CHST11: variants seen among roughly 807,000 people sequenced by gnomAD.
The protein encoded by CHST11 is C4S-1.
CHST11 carries 9 observed loss-of-function variants against 30.4 expected under a neutral mutation model. The ratio of observed to expected loss-of-function variants is 0.30; its 90% CI spans 0.18 to 0.52. The LOEUF (loss-of-function observed/expected upper bound fraction) is 0.52, where lower values mean the gene tolerates loss of function less well. Ranked by LOEUF, CHST11 falls within the 20% of genes least tolerant of loss-of-function variation. CHST11 has a pLI of 0.97. For synonymous variants in CHST11, 152 were observed against 187.8 expected (o/e 0.81, Z 1.56); for missense variants, 348 against 460.6 (o/e 0.76, Z 2.24).
intron 1 of CHST11, among the ~76,000 whole-genome samples, chr12:104,529,655 G>A (rs2038161274): frequency 6.6e-6 from 1 of 152,136 alleles, no homozygotes; most frequent in African/African-American, 2.4e-5. Flanking sequence ...CTGGTCCAAG[G>A]TGGCTGCTTC....
intron 1 of CHST11, among the ~76,000 whole-genome samples, chr12:104,596,867 A>C (rs1359737853): frequency 6.6e-6 from 1 of 152,076 alleles, no homozygotes; most frequent in East Asian, 1.9e-4. Context: ...AAGGTCTCCG[A>C]GTTTCTTCTG....
chr12:104,704,410 C>T (rs1024372234), intron 2 of CHST11, among the ~76,000 whole-genome samples: 5 of 152,138 alleles, frequency 3.3e-5, no homozygotes, highest in African/African-American at 1.2e-4. Flanking sequence ...GGCAGCAGCC[C>T]CTGCAGAGGT....
chr12:104,619,431 C>T (rs969785117), intron 2 of CHST11, among the ~76,000 whole-genome samples: 2 of 152,118 alleles, frequency 1.3e-5, no homozygotes, highest in African/African-American at 4.8e-5. Flanking sequence ...TTTTTGAGCT[C>T]TTCCCTGCCT....
intron 2 of CHST11, among the ~76,000 whole-genome samples, chr12:104,705,656 C>T (rs1019088396): frequency 1.3e-5 from 2 of 152,158 alleles, no homozygotes; most frequent in Non-Finnish European, 2.9e-5. Flanking sequence ...CGCGGTGGCT[C>T]ACACCTGTGA....
intron 2 of CHST11, among the ~76,000 whole-genome samples, chr12:104,622,121 C>T (rs1391190720): frequency 6.6e-6 from 1 of 152,188 alleles, no homozygotes; most frequent in African/African-American, 2.4e-5. Context: ...GTTGATACAA[C>T]CAAAATCCTT....
chr12:104,541,937 T>C (rs940389982), intron 1 of CHST11, among the ~76,000 whole-genome samples: 4 of 152,226 alleles, frequency 2.6e-5, no homozygotes, highest in African/African-American at 9.6e-5. Context: ...TCAGAAAGAC[T>C]GTCAGCTACC....
chr12:104,606,885 T>C (rs1215305802), intron 2 of CHST11, among the ~76,000 whole-genome samples: 1 of 151,782 alleles, frequency 6.6e-6, no homozygotes, highest in Admixed American at 6.6e-5. Flanking sequence ...CTGGGCAACA[T>C]AGTGAAATGT....
intron 1 of CHST11, among the ~76,000 whole-genome samples, chr12:104,499,550 T>C (rs2037832703): frequency 6.6e-6 from 1 of 152,186 alleles, no homozygotes; most frequent in African/African-American, 2.4e-5. Context: ...AGGGGAGACC[T>C]GGAGAAAATG....
intron 1 of CHST11, among the ~76,000 whole-genome samples, chr12:104,501,370 A>C (rs1463728241): frequency 2.0e-5 from 3 of 152,234 alleles, no homozygotes; most frequent in Non-Finnish European, 4.4e-5. Flanking sequence ...GGCACTTCCC[A>C]GTCCCTGAAA....
rs1473302019 is a variant in CHST11, at chr12:104,757,519, T to C, written c.775T>C (p.Trp259Arg). ...TQREEPFNEHWQTVYSLCHPC... is the reference protein window; with the variant it reads ...TQREEPFNEHRQTVYSLCHPC... ...GCGGGAGGAGCCTTTCAACGAACAC[T>C]GGCAAACCGTCTACTCACTCTGCCA... Residue 259 changes from tryptophan to arginine, a missense_variant, in exon 3 of 3, where the codon TGG becomes CGG. Physicochemically the swap from Trp to Arg is moderately radical, Grantham distance 101. This residue lies in a region of CHST11 where 210 missense variants were observed against 287.2 expected (regional missense o/e 0.73). Transcript: ENST00000303694. This position sits in a 1 kb window ranked among gnomAD's most constrained non-coding sequence, Gnocchi z 6.5. 1 of 1,614,128 alleles carries C rather than the reference T, an allele frequency of 6.2e-7. No homozygotes were observed. The highest frequency in any genetic ancestry group is 1.1e-5 in the South Asian group (1 of 91,076).
chr12:104,727,497 T>C (rs1592861551), intron 2 of CHST11, among the ~76,000 whole-genome samples: 2 of 151,986 alleles, frequency 1.3e-5, no homozygotes, highest in Admixed American at 1.3e-4. Flanking sequence ...GTAGCAGGGG[T>C]CTGGGGAGGC....
Position 104,757,167 on chromosome 12 carries a change from G to T in CHST11, c.423G>T (p.Arg141=). The change falls in exon 3 of 3, where the codon CGG becomes CGT. Residue 141 remains arginine (R), a synonymous_variant. Coordinates refer to ENST00000303694, the MANE Select transcript of CHST11 (RefSeq NM_018413.6). The surrounding 1 kb of genome is among the most constrained non-coding windows in gnomAD (Gnocchi z 6.5). ...GGCTCATGATGGTCCTGACCGGGCG[G>T]GGGAAGTACAGCGACCCCATGGAGA... is the stretch of plus-strand genomic sequence containing the variant. ...WKRLMMVLTG[R]GKYSDPMEIP... The T allele has an allele frequency of 1.2e-6, 2 of 1,614,142 alleles. No individual in the cohort carries two copies. The highest frequency in any genetic ancestry group is 1.7e-6 in the Non-Finnish European group (2 of 1,180,044).
intron 2 of CHST11, among the ~76,000 whole-genome samples, chr12:104,683,167 A>G (rs1158243707): frequency 6.6e-6 from 1 of 152,232 alleles, no homozygotes; most frequent in Admixed American, 6.5e-5. Flanking sequence ...ACCAATGAGC[A>G]GGGTTTGACA....
At chr12:104,466,149 C>T (rs898469118) in intron 1 of CHST11, among the ~76,000 whole-genome samples, 14 of 152,218 alleles carry the variant, frequency 9.2e-5, no homozygotes, top group Admixed American at 1.3e-4. Flanking sequence ...CATAAGCCAC[C>T]GTGTCCAGCA....
At chr12:104,657,601 A>C (rs1056873056) in intron 2 of CHST11, among the ~76,000 whole-genome samples, 1 of 152,098 alleles carries the variant, frequency 6.6e-6, no homozygotes, top group African/African-American at 2.4e-5. Context: ...GAAATAATGC[A>C]TGTTCCATTT....
At chr12:104,638,595 A>G (rs1011266069) in intron 2 of CHST11, among the ~76,000 whole-genome samples, 58 of 152,170 alleles carry the variant, frequency 3.8e-4, no homozygotes, top group African/African-American at 1.2e-3. Flanking sequence ...TTGTGAGGTA[A>G]GGGTTGGGGT....
At chr12:104,580,407 G>A (rs188500146) in intron 1 of CHST11, among the ~76,000 whole-genome samples, 5 of 152,194 alleles carry the variant, frequency 3.3e-5, no homozygotes, top group African/African-American at 4.8e-5. Flanking sequence ...TAGATGTTAG[G>A]CTGCCTGTTT....
At chr12:104,741,867 G>A (rs1184581042) in intron 2 of CHST11, among the ~76,000 whole-genome samples, 2 of 152,180 alleles carry the variant, frequency 1.3e-5, no homozygotes, top group Non-Finnish European at 1.5e-5. Context: ...AGGACAGCCC[G>A]ACCCACTGAA....
At chr12:104,534,016 C>A (rs535727786) in intron 1 of CHST11, among the ~76,000 whole-genome samples, 1 of 152,062 alleles carries the variant, frequency 6.6e-6, no homozygotes, top group Non-Finnish European at 1.5e-5. Context: ...AAAGAGAGAT[C>A]TTGGGTTAGT....
Sources: allele counts gnomAD v4.1 joint callset (sites outside exome capture counted in the v4.1 genomes callset), GRCh38; gene constraint gnomAD v4.1.1; regional missense constraint gnomAD v4.1.1; non-coding constraint Gnocchi (gnomAD v3.1); transcripts MANE v1.5; gene names NCBI Gene and HGNC (gene_info 2026-07-23, HGNC 2026-07-21).